USP12: variants seen among roughly 807,000 people sequenced by gnomAD.
USP12 encodes the protein ubiquitin specific peptidase 12, also known as ubiquitin carboxyl-terminal hydrolase 12.
A neutral mutation model predicts 45.5 loss-of-function variants in USP12; 19 were observed. That is an observed-to-expected ratio of 0.42 (90% CI 0.29 to 0.61). USP12 has a LOEUF of 0.61. Among genes scored for constraint, USP12 ranks in the 20% least tolerant of loss-of-function variants. The probability of loss-of-function intolerance (pLI) is 0.22; values close to 1 mark genes in which losing one functional copy is unlikely to be tolerated. For synonymous variants in USP12, 149 were observed against 148.8 expected (o/e 1.00, Z -0.01); for missense variants, 242 against 447.7 (o/e 0.54, Z 4.15).
At chr13:27,150,893 C>T (rs192719916) in intron 1 of USP12, among the ~76,000 whole-genome samples, 179 of 152,208 alleles carry the variant, frequency 1.2e-3, no homozygotes, top group African/African-American at 4.1e-3. Context: ...AAACCATGTA[C>T]AAAAAACTAA....
intron 3 of USP12, among the ~76,000 whole-genome samples, chr13:27,097,671 G>A (rs1310040540): frequency 6.6e-6 from 1 of 152,086 alleles, no homozygotes; most frequent in Non-Finnish European, 1.5e-5. Flanking sequence ...TTCCTCATCT[G>A]AAAAATGGGG....
chr13:27,128,645 A>C (rs1876353249), intron 1 of USP12, among the ~76,000 whole-genome samples: 1 of 152,170 alleles, frequency 6.6e-6, no homozygotes, highest in Non-Finnish European at 1.5e-5. Flanking sequence ...TCTTTCTACC[A>C]TATTCTTGAT....
At chr13:27,121,872 T>A (rs1337304542) in intron 1 of USP12, among the ~76,000 whole-genome samples, 2 of 151,296 alleles carry the variant, frequency 1.3e-5, no homozygotes, top group Non-Finnish European at 2.9e-5. Flanking sequence ...AAAAAAAAAA[T>A]TAAATACCAG....
intron 1 of USP12, among the ~76,000 whole-genome samples, chr13:27,162,365 T>C (rs1467257020): frequency 6.6e-6 from 1 of 152,176 alleles, no homozygotes; most frequent in African/African-American, 2.4e-5. Context: ...TAATTTTGTC[T>C]CAACCATCAA....
At chr13:27,107,735 G>T (rs116202385) in intron 2 of USP12, among the ~76,000 whole-genome samples, 3,246 of 152,210 alleles carry the variant, frequency 0.021, 119 homozygotes, top group African/African-American at 0.075. Flanking sequence ...TGTACAATGT[G>T]CCTTCTCAAA....
chr13:27,106,507 T>A (rs1364867930), intron 2 of USP12, among the ~76,000 whole-genome samples: 1 of 152,130 alleles, frequency 6.6e-6, no homozygotes, highest in East Asian at 1.9e-4. Context: ...AAACACTGGC[T>A]CTAAAAGCTA....
chr13:27,097,402 T>C (rs1874639706), intron 3 of USP12, among the ~76,000 whole-genome samples: 1 of 152,068 alleles, frequency 6.6e-6, no homozygotes, highest in Non-Finnish European at 1.5e-5. Context: ...GAGGTAGAGG[T>C]TGCAGTGAGC....
chr13:27,127,836 A>G (rs1443541060), intron 1 of USP12, among the ~76,000 whole-genome samples: 1 of 152,248 alleles, frequency 6.6e-6, no homozygotes, highest in Non-Finnish European at 1.5e-5. Flanking sequence ...ATTTAAATTT[A>G]CTCAGAGGAC....
At chr13:27,101,215 G>C (rs1379831532) in intron 3 of USP12, among the ~76,000 whole-genome samples, 1 of 152,264 alleles carries the variant, frequency 6.6e-6, no homozygotes, top group Middle Eastern at 3.4e-3. Flanking sequence ...TACTGAATAT[G>C]CCAGAATTTT....
intron 1 of USP12, among the ~76,000 whole-genome samples, chr13:27,135,843 C>G (rs1207802729): frequency 2.6e-5 from 4 of 152,106 alleles, no homozygotes; most frequent in Admixed American, 1.3e-4. Flanking sequence ...GGGGAGAAGG[C>G]AGCAAAGAAG....
At chr13:27,137,674 G>A (rs73159774) in intron 1 of USP12, among the ~76,000 whole-genome samples, 7,448 of 152,208 alleles carry the variant, frequency 0.049, 222 homozygotes, top group Non-Finnish European at 0.056. Flanking sequence ...GTGTTCCCCC[G>A]ATCTCAGCCT....
intron 3 of USP12, among the ~76,000 whole-genome samples, chr13:27,101,219 G>A (rs1026867106): frequency 6.6e-6 from 1 of 152,148 alleles, no homozygotes; most frequent in Non-Finnish European, 1.5e-5. Context: ...GAATATGCCA[G>A]AATTTTGCTG....
At chr13:27,070,934 A>G in intron 8 of USP12, 137 bp downstream of exon 8, 1 of 692,918 alleles carries the variant, frequency 1.4e-6, no homozygotes, top group Non-Finnish European at 2.3e-6. Flanking sequence ...AGAAGTAGGA[A>G]TTAGACTACA....
intron 3 of USP12, among the ~76,000 whole-genome samples, chr13:27,098,366 T>A (rs1422333421): frequency 1.6e-4 from 24 of 150,192 alleles, no homozygotes; most frequent in Admixed American, 2.6e-4. Flanking sequence ...ACAGAATATT[T>A]AAAAAAAAAC....
At chr13:27,072,707 G>T (rs1364968749) in intron 7 of USP12, among the ~76,000 whole-genome samples, 2 of 152,114 alleles carry the variant, frequency 1.3e-5, no homozygotes, top group Non-Finnish European at 2.9e-5. Context: ...AAGGGAGAGA[G>T]GGATGGGAAA....
At chr13:27,124,526 C>T (rs1288834059) in intron 1 of USP12, among the ~76,000 whole-genome samples, 2 of 152,096 alleles carry the variant, frequency 1.3e-5, no homozygotes, top group Non-Finnish European at 2.9e-5. Flanking sequence ...TACACTGTTC[C>T]AGTTTCATGT....
intron 1 of USP12, among the ~76,000 whole-genome samples, chr13:27,141,677 A>G (rs1248567777): frequency 1.3e-5 from 2 of 151,652 alleles, no homozygotes; most frequent in East Asian, 3.8e-4. Flanking sequence ...TAAAAAATAA[A>G]TGAATAGACA....
chr13:27,132,282 A>G (rs1565998864), intron 1 of USP12, among the ~76,000 whole-genome samples: 1 of 152,204 alleles, frequency 6.6e-6, no homozygotes, highest in Non-Finnish European at 1.5e-5. Flanking sequence ...TAATGTGTGC[A>G]AAGGAGATTG....
intron 6 of USP12, among the ~76,000 whole-genome samples, chr13:27,085,809 A>G (rs1873983381): frequency 6.6e-6 from 1 of 152,074 alleles, no homozygotes; most frequent in Non-Finnish European, 1.5e-5. Context: ...AGTGTAAAAA[A>G]TCTAAATTGT....
Sources: gnomAD v4.1 joint callset for allele counts (sites outside exome capture counted in the v4.1 genomes callset) on GRCh38, gnomAD v4.1.1 for gene constraint, MANE v1.5 for transcripts, NCBI Gene and HGNC (gene_info 2026-07-23, HGNC 2026-07-21) for gene names.